DMD: variants seen among roughly 807,000 people sequenced by gnomAD.
DMD encodes the protein mutant dystrophin.
Under a neutral mutation model 330.1 loss-of-function variants are expected in DMD, and 63 were observed. That is an observed-to-expected ratio of 0.19 (90% CI 0.16 to 0.24). DMD has a LOEUF of 0.24. Among genes scored for constraint, DMD ranks in the 10% least tolerant of loss-of-function variants. DMD has a pLI of 1.00. For synonymous variants in DMD, 1,223 were observed against 959.8 expected (o/e 1.27, Z -5.07); for missense variants, 3,344 against 2,684.1 (o/e 1.25, Z -5.43).
At chrX:32,713,234 A>T (rs2065356185) in intron 7 of DMD, among the ~76,000 whole-genome samples, 1 of 111,786 alleles carries the variant, frequency 8.9e-6, no homozygotes, top group Non-Finnish European at 1.9e-5. Context: ...CTTACCATTC[A>T]TGTGATTTAT....
Position 32,855,013 on chromosome X carries a change from A to G in DMD, c.94-5193T>C, listed in dbSNP as rs137956809. 2.3e-3 allele frequency among the ~76,000 whole-genome samples: 260 copies of G among 112,285 alleles called. 2 individuals carry two copies. The highest frequency in any genetic ancestry group is 8.1e-3 in the African/African-American group (251 of 30,971). ...AGTGGTATTTGTCCTAGGGATGCCA[A>G]GATGGGTCACCATATGCAAAAAATC... is the stretch of plus-strand genomic sequence containing the variant. On this transcript the variant is annotated intron_variant, in intron 2 of 78. Coordinates refer to ENST00000357033, the MANE Select transcript of DMD (RefSeq NM_004006.3).
intron 61 of DMD, among the ~76,000 whole-genome samples, chrX:31,345,757 G>A (rs912806393): frequency 9.0e-6 from 1 of 111,436 alleles, no homozygotes; most frequent in African/African-American, 3.3e-5. Context: ...TAAAAGCCAC[G>A]ATCCCACTCA....
At chrX:31,427,520 T>C (rs1277257198) in intron 60 of DMD, among the ~76,000 whole-genome samples, 1 of 111,971 alleles carries the variant, frequency 8.9e-6, no homozygotes, top group Non-Finnish European at 1.9e-5. Flanking sequence ...ACTGATAAAA[T>C]ACTGAACTGA....
At chrX:31,611,083 AT>A (rs35681066) in intron 55 of DMD, among the ~76,000 whole-genome samples, 2,948 of 100,260 alleles carry the variant, frequency 0.029, 37 homozygotes, top group Non-Finnish European at 0.044. Context: ...TTGCAGAATC[AT>A]TTTTTTTTTT....
chrX:31,847,711 C>T (rs886193258), intron 48 of DMD, among the ~76,000 whole-genome samples: 19 of 111,653 alleles, frequency 1.7e-4, no homozygotes, highest in African/African-American at 6.2e-4. Flanking sequence ...TCCAAAGAAA[C>T]CACATGAGAT....
At chrX:32,670,691 C>T (rs940873591) in intron 9 of DMD, among the ~76,000 whole-genome samples, 1 of 112,281 alleles carries the variant, frequency 8.9e-6, no homozygotes, top group Non-Finnish European at 1.9e-5. Context: ...AAGTAAGCAA[C>T]ATGAAACCAC....
chrX:32,724,935 T>G (rs746790346), intron 7 of DMD, among the ~76,000 whole-genome samples: 4 of 111,843 alleles, frequency 3.6e-5, no homozygotes, highest in Non-Finnish European at 7.5e-5. Flanking sequence ...GTTGTGTTCT[T>G]GGCATCAGAA....
chrX:32,099,704 G>A (rs2096529993), intron 44 of DMD, among the ~76,000 whole-genome samples: 1 of 88,642 alleles, frequency 1.1e-5, no homozygotes, highest in Non-Finnish European at 2.1e-5. Flanking sequence ...AGAACACATG[G>A]ACACAGGAAG....
chrX:32,355,431 G>A (rs1179058154), intron 37 of DMD, among the ~76,000 whole-genome samples: 4 of 111,036 alleles, frequency 3.6e-5, no homozygotes, highest in Non-Finnish European at 7.6e-5. Flanking sequence ...CACTGATCAG[G>A]GGACTAATTT....
intron 49 of DMD, among the ~76,000 whole-genome samples, chrX:31,835,665 G>T (rs1277321922): frequency 9.0e-6 from 1 of 111,678 alleles, no homozygotes; most frequent in Non-Finnish European, 1.9e-5. Context: ...CTAAGGAAAA[G>T]TCTCTTGTAA....
intron 16 of DMD, among the ~76,000 whole-genome samples, chrX:32,550,249 G>C (rs1279580853): frequency 9.0e-6 from 1 of 111,493 alleles, no homozygotes; most frequent in African/African-American, 3.3e-5. Context: ...ACAATCTTTA[G>C]AAAATTTTTT....
At chrX:32,803,358 T>C (rs781027978) in intron 7 of DMD, among the ~76,000 whole-genome samples, 1 of 111,361 alleles carries the variant, frequency 9.0e-6, no homozygotes, top group African/African-American at 3.3e-5. Flanking sequence ...TCTTCTCTCT[T>C]TTCTTCTTTT....
chrX:32,432,422 CT>C (rs759473861), intron 29 of DMD, among the ~76,000 whole-genome samples: 1 of 111,574 alleles, frequency 9.0e-6, no homozygotes, highest in Non-Finnish European at 1.9e-5. Flanking sequence ...TTTTCCTAGC[CT>C]TTAAAGGTTT....
intron 16 of DMD, among the ~76,000 whole-genome samples, chrX:32,546,989 T>C (rs1182963415): frequency 8.9e-6 from 1 of 112,091 alleles, no homozygotes; most frequent in African/African-American, 3.2e-5. Flanking sequence ...AATTTGAATA[T>C]TTTTTAACCA....
rs778948385 is a variant in DMD, at chrX:32,889,246, T to TA, written c.94-39427dup. ...AGTACCCAGGCACTTCAGCAGGATA[T>TA]AGGGTACAGTAGAATAATTTCCCAC... On this transcript the variant is annotated intron_variant, in intron 2 of 78. Coordinates refer to ENST00000357033, the MANE Select transcript of DMD (RefSeq NM_004006.3). 4.5e-3 allele frequency among the ~76,000 whole-genome samples: 506 copies of TA among 111,345 alleles called. 4 individuals are homozygous for TA. The highest frequency in any genetic ancestry group is 7.7e-3 in the Non-Finnish European group (411 of 53,050).
At chrX:32,394,916 C>CAAAACAAAAAAAAAAAAAAAAAAA (rs2098030291) in intron 30 of DMD, among the ~76,000 whole-genome samples, 4 of 39,030 alleles carry the variant, frequency 1.0e-4, no homozygotes, top group Non-Finnish European at 2.0e-4. Flanking sequence ...AACAAAAAAA[C>CAAAACAAAAAAAAAAAAAAAAAAA]AAAAAAAAAA....
At chrX:31,359,859 A>G (rs2058846684) in intron 60 of DMD, among the ~76,000 whole-genome samples, 1 of 111,992 alleles carries the variant, frequency 8.9e-6, no homozygotes, top group Non-Finnish European at 1.9e-5. Flanking sequence ...TGGAGAGACC[A>G]CTTTCTGGCA....
chrX:31,470,233 CA>C (rs1408418073), intron 59 of DMD, among the ~76,000 whole-genome samples: 1 of 111,524 alleles, frequency 9.0e-6, no homozygotes, highest in Non-Finnish European at 1.9e-5. Flanking sequence ...GAGTTGTGAT[CA>C]TTTGGAGGAG....
At chrX:31,727,336 T>C (rs2086137981) in intron 52 of DMD, among the ~76,000 whole-genome samples, 1 of 111,782 alleles carries the variant, frequency 8.9e-6, no homozygotes, top group Non-Finnish European at 1.9e-5. Flanking sequence ...GGTTCCAGTA[T>C]GGTGGAGGAA....
Sources: gnomAD v4.1 joint callset for allele counts (sites outside exome capture counted in the v4.1 genomes callset) on GRCh38, gnomAD v4.1.1 for gene constraint, MANE v1.5 for transcripts, NCBI Gene and HGNC (gene_info 2026-07-23, HGNC 2026-07-21) for gene names.